Variants in EYS observed in about 807,000 individuals in gnomAD.
The protein encoded by EYS is EGF-like photoreceptor maintenance factor, also known as protein eyes shut homolog.
EYS carries 250 observed loss-of-function variants against 282.1 expected under a neutral mutation model. The ratio of observed to expected loss-of-function variants is 0.89; its 90% confidence interval spans 0.80 to 0.98. EYS has a LOEUF of 0.98. EYS is among the 50% of genes least tolerant of loss of function. EYS has a pLI of 0.00. For synonymous variants in EYS, 1,355 were observed against 1,282.9 expected (o/e 1.06, Z -1.20); for missense variants, 4,016 against 3,709.0 (o/e 1.08, Z -2.15).
intron 29 of EYS, among the ~76,000 whole-genome samples, chr6:64,367,321 T>G (rs116493848): frequency 2.4e-4 from 37 of 152,134 alleles, no homozygotes; most frequent in African/African-American, 8.2e-4. Context: ...AAGTGTGGCT[T>G]TTTTCTAAGG....
intron 22 of EYS, among the ~76,000 whole-genome samples, chr6:64,719,435 T>C (rs1401302950): frequency 6.6e-6 from 1 of 152,152 alleles, no homozygotes; most frequent in Non-Finnish European, 1.5e-5. Flanking sequence ...TTGGGAAAAA[T>C]ATCATTTTAA....
chr6:65,630,034 G>A (rs1469061981), intron 2 of EYS, among the ~76,000 whole-genome samples: 2 of 152,120 alleles, frequency 1.3e-5, no homozygotes, highest in African/African-American at 4.8e-5. Flanking sequence ...GTACAGAACT[G>A]GATTGCTAAT....
At chr6:65,197,498 G>A (rs1765798748) in intron 12 of EYS, among the ~76,000 whole-genome samples, 2 of 152,056 alleles carry the variant, frequency 1.3e-5, no homozygotes, top group African/African-American at 2.4e-5. Flanking sequence ...TCAATATTAT[G>A]CGAACTGGAG....
At chr6:64,128,639 C>G (rs774257615) in intron 31 of EYS, among the ~76,000 whole-genome samples, 2 of 152,076 alleles carry the variant, frequency 1.3e-5, no homozygotes, top group South Asian at 4.1e-4. Flanking sequence ...GAACTTATTT[C>G]AAAGATTTCT....
intron 12 of EYS, among the ~76,000 whole-genome samples, chr6:65,147,223 T>C (rs1436902898): frequency 2.0e-5 from 3 of 152,042 alleles, no homozygotes; most frequent in Non-Finnish European, 4.4e-5. Flanking sequence ...ACATGACAAA[T>C]ATTTGTAAAT....
intron 35 of EYS, among the ~76,000 whole-genome samples, chr6:63,893,371 A>G (rs1308695967): frequency 6.6e-6 from 1 of 152,218 alleles, no homozygotes; most frequent in Non-Finnish European, 1.5e-5. Flanking sequence ...TGTGGTACAT[A>G]TACACCATGG....
intron 22 of EYS, among the ~76,000 whole-genome samples, chr6:64,671,447 G>T (rs1045903017): frequency 7.2e-5 from 11 of 152,164 alleles, no homozygotes; most frequent in Non-Finnish European, 1.2e-4. Context: ...GGACTTCCCA[G>T]ACTCCAGAAC....
chr6:63,786,435 C>A (rs2149669347), intron 39 of EYS, among the ~76,000 whole-genome samples: 1 of 150,222 alleles, frequency 6.7e-6, no homozygotes, highest in African/African-American at 2.5e-5. Flanking sequence ...AACCCAGGAA[C>A]AGAAAATGAA....
At chr6:64,282,983 G>A (rs888317802) in intron 30 of EYS, among the ~76,000 whole-genome samples, 1 of 152,060 alleles carries the variant, frequency 6.6e-6, no homozygotes, top group Non-Finnish European at 1.5e-5. Context: ...TCAAAACTCT[G>A]TTTCCCAGTC....
intron 2 of EYS, among the ~76,000 whole-genome samples, chr6:65,597,025 G>T (rs564634862): frequency 6.6e-6 from 1 of 151,940 alleles, no homozygotes; most frequent in East Asian, 1.9e-4. Context: ...GATTCACAAA[G>T]GATCAGAAGT....
At chr6:65,626,821 C>T (rs1766709919) in intron 2 of EYS, among the ~76,000 whole-genome samples, 1 of 151,628 alleles carries the variant, frequency 6.6e-6, no homozygotes, top group Non-Finnish European at 1.5e-5. Flanking sequence ...TATGTGTGTG[C>T]TCGGCAGTGT....
intron 26 of EYS, among the ~76,000 whole-genome samples, chr6:64,556,632 A>C (rs559728612): frequency 6.6e-6 from 1 of 152,126 alleles, no homozygotes; most frequent in South Asian, 2.1e-4. Context: ...CTTATATCTC[A>C]ATAAACTTAA....
At chr6:65,411,654 C>T (rs1333139552) in intron 5 of EYS, among the ~76,000 whole-genome samples, 1 of 152,008 alleles carries the variant, frequency 6.6e-6, no homozygotes, top group African/African-American at 2.4e-5. Context: ...ATTTCCTGAT[C>T]ACTGACAACC....
At chr6:65,305,730 T>C (rs1213380144) in intron 11 of EYS, among the ~76,000 whole-genome samples, 1 of 152,256 alleles carries the variant, frequency 6.6e-6, no homozygotes, top group East Asian at 1.9e-4. Flanking sequence ...ATGAAAATTG[T>C]CCCTTTTCTT....
intron 30 of EYS, among the ~76,000 whole-genome samples, chr6:64,279,427 G>T (rs1768227842): frequency 6.6e-6 from 1 of 152,054 alleles, no homozygotes; most frequent in Non-Finnish European, 1.5e-5. Context: ...GAGGAATAAA[G>T]GCCATGACCA....
intron 12 of EYS, among the ~76,000 whole-genome samples, chr6:65,167,844 T>C (rs1765011311): frequency 6.6e-6 from 1 of 151,318 alleles, no homozygotes. Context: ...TTGAGGTTCA[T>C]TTGGTATAAT....
chr6:64,892,374 G>A (rs1767318033), intron 18 of EYS, among the ~76,000 whole-genome samples: 1 of 151,846 alleles, frequency 6.6e-6, no homozygotes, highest in African/African-American at 2.4e-5. Context: ...ATTTTAAAAT[G>A]TGTTTGCAAT....
At chr6:65,278,264 C>T (rs1260423609) in intron 12 of EYS, among the ~76,000 whole-genome samples, 1 of 50,830 alleles carries the variant, frequency 2.0e-5, no homozygotes, top group Non-Finnish European at 5.4e-5. Context: ...TATAATAAAT[C>T]TCTTTCCATA....
chr6:64,486,851 C>A (rs1178163793), intron 26 of EYS, among the ~76,000 whole-genome samples: 1 of 151,268 alleles, frequency 6.6e-6, no homozygotes, highest in Non-Finnish European at 1.5e-5. Flanking sequence ...TGACCATATT[C>A]CTAGAAGTGG....
Sources: allele counts gnomAD v4.1 joint callset (sites outside exome capture counted in the v4.1 genomes callset), GRCh38; gene constraint gnomAD v4.1.1; transcripts MANE v1.5; gene names NCBI Gene and HGNC (gene_info 2026-07-23, HGNC 2026-07-21).